Variants in TASP1 observed in about 807,000 individuals in gnomAD.
The protein encoded by TASP1 is threonine aspartase 1.
Under a neutral mutation model 56.6 loss-of-function variants are expected in TASP1, and 16 were observed. The observed-to-expected ratio is 0.28, with a 90% CI of 0.19 to 0.43. The LOEUF is 0.43. TASP1 is among the 20% of genes least tolerant of loss of function. The probability of loss-of-function intolerance (pLI) is 1.00; values close to 1 mark genes in which losing one functional copy is unlikely to be tolerated. For synonymous variants in TASP1, 179 were observed against 184.2 expected, an observed-to-expected ratio of 0.97 and a Z score of 0.23; for missense variants, 393 against 511.6, an observed-to-expected ratio of 0.77 and a Z score of 2.24.
intron 10 of TASP1, among the ~76,000 whole-genome samples, chr20:13,527,076 G>A (rs1372497559): frequency 6.6e-6 from 1 of 152,138 alleles, no homozygotes; most frequent in African/African-American, 2.4e-5. Flanking sequence ...ATCAGCAGGA[G>A]AAAGCACAGA....
At chr20:13,485,284 G>A (rs973156485) in intron 10 of TASP1, among the ~76,000 whole-genome samples, 7 of 152,062 alleles carry the variant, frequency 4.6e-5, no homozygotes, top group African/African-American at 1.7e-4. Context: ...ATTATAAATA[G>A]TCAATTAGAA....
intron 8 of TASP1, among the ~76,000 whole-genome samples, chr20:13,551,780 G>A (rs2045989495): frequency 6.6e-6 from 1 of 152,100 alleles, no homozygotes; most frequent in Admixed American, 6.5e-5. Flanking sequence ...TTCCAAATAG[G>A]ATAAAGATTA....
the TASP1 span, among the ~76,000 whole-genome samples, chr20:13,209,731 G>C: frequency 6.6e-6 from 1 of 152,176 alleles, no homozygotes; most frequent in South Asian, 2.1e-4. Context: ...ACAGAAAAGA[G>C]ATCATAGATG....
At chr20:13,258,495 T>C in the TASP1 span, among the ~76,000 whole-genome samples, 1 of 152,188 alleles carries the variant, frequency 6.6e-6, no homozygotes, top group Non-Finnish European at 1.5e-5. Context: ...GAGGGTGCCA[T>C]TCATTCCCTG....
At chr20:13,333,388 A>G in the TASP1 span, among the ~76,000 whole-genome samples, 2 of 152,226 alleles carry the variant, frequency 1.3e-5, no homozygotes. Context: ...ATCCAGAACA[A>G]AGATAAAGGC....
At chr20:13,603,074 T>C (rs1051943894) in intron 4 of TASP1, among the ~76,000 whole-genome samples, 2 of 150,902 alleles carry the variant, frequency 1.3e-5, no homozygotes, top group Non-Finnish European at 3.0e-5. Flanking sequence ...CTACTAAAAA[T>C]ACAAAAAGCA....
chr20:13,414,561 A>T (rs959828773), intron 13 of TASP1, among the ~76,000 whole-genome samples: 1 of 152,208 alleles, frequency 6.6e-6, no homozygotes, highest in African/African-American at 2.4e-5. Flanking sequence ...AAAGAAACCT[A>T]ATTTCATGTA....
chr20:13,267,666 A>T, the TASP1 span, among the ~76,000 whole-genome samples: 1 of 152,332 alleles, frequency 6.6e-6, no homozygotes, highest in East Asian at 1.9e-4. Flanking sequence ...CACATCAATC[A>T]ATCAATCAGA....
the TASP1 span, among the ~76,000 whole-genome samples, chr20:13,197,134 G>T: frequency 6.6e-6 from 1 of 152,172 alleles, no homozygotes; most frequent in African/African-American, 2.4e-5. Flanking sequence ...GGAGGCAGGG[G>T]TGCAACACAC....
chr20:13,492,589 T>A (rs961202126), intron 10 of TASP1, among the ~76,000 whole-genome samples: 3 of 152,174 alleles, frequency 2.0e-5, no homozygotes, highest in African/African-American at 7.2e-5. Flanking sequence ...GGGGAAAACA[T>A]AAGGAGCTTC....
At chr20:13,493,071 A>C (rs1480054492) in intron 10 of TASP1, among the ~76,000 whole-genome samples, 1 of 152,218 alleles carries the variant, frequency 6.6e-6, no homozygotes, top group African/African-American at 2.4e-5. Context: ...TGTCTAAATA[A>C]GTAGCTCCAT....
intron 7 of TASP1, among the ~76,000 whole-genome samples, chr20:13,565,089 ACTCTCACATATATGGTC>A (rs2046479386): frequency 6.6e-6 from 1 of 151,968 alleles, no homozygotes; most frequent in South Asian, 2.1e-4. Context: ...TCAAAAATAA[ACTCTCACATATATGGTC>A]AACGATTTGA....
At chr20:13,394,318 A>AAAAAAAAAAAAAGAAAAAAAAAAAAAAG (rs1568741093) in intron 13 of TASP1, among the ~76,000 whole-genome samples, 183 of 146,594 alleles carry the variant, frequency 1.2e-3, no homozygotes, top group African/African-American at 4.4e-3. Context: ...AAAAAAAAAA[A>AAAAAAAAAAAAAGAAAAAAAAAAAAAAG]AAAAAAAAAA....
intron 11 of TASP1, among the ~76,000 whole-genome samples, chr20:13,455,997 T>A (rs1469198606): frequency 5.9e-5 from 9 of 152,124 alleles, no homozygotes; most frequent in Admixed American, 2.0e-4. Flanking sequence ...AGCAGAGCTT[T>A]CAATGGGAAT....
intron 8 of TASP1, among the ~76,000 whole-genome samples, chr20:13,549,999 T>C (rs1002007277): frequency 6.6e-6 from 1 of 152,078 alleles, no homozygotes; most frequent in African/African-American, 2.4e-5. Flanking sequence ...CTCAATTTCA[T>C]CTTACTTATA....
chr20:13,210,458 T>A, the TASP1 span, among the ~76,000 whole-genome samples: 1 of 152,202 alleles, frequency 6.6e-6, no homozygotes, highest in Non-Finnish European at 1.5e-5. Flanking sequence ...CAGGAACATA[T>A]GCTGCAGCCA....
At chr20:13,226,921 T>C in the TASP1 span, among the ~76,000 whole-genome samples, 2 of 152,290 alleles carry the variant, frequency 1.3e-5, no homozygotes, top group South Asian at 4.1e-4. Context: ...AAGAAGAGCA[T>C]GCGTACAGGG....
the TASP1 span, among the ~76,000 whole-genome samples, chr20:13,373,841 TTC>T: frequency 6.6e-6 from 1 of 152,082 alleles, no homozygotes. Flanking sequence ...TTCTTCTCCT[TTC>T]TCTTTCTTTT....
At chr20:13,289,033 G>A in the TASP1 span, among the ~76,000 whole-genome samples, 12 of 152,186 alleles carry the variant, frequency 7.9e-5, no homozygotes, top group Middle Eastern at 3.4e-3. Context: ...TGATCCGCCC[G>A]CCTCAGCCTC....
Sources: allele counts gnomAD v4.1 joint callset (sites outside exome capture counted in the v4.1 genomes callset), GRCh38; gene constraint gnomAD v4.1.1; transcripts MANE v1.5; gene names NCBI Gene and HGNC (gene_info 2026-07-23, HGNC 2026-07-21).